Variants in BBX observed in about 807,000 individuals in gnomAD.
BBX encodes HMG box transcription factor BBX.
A neutral mutation model predicts 100.2 loss-of-function variants in BBX; 30 were observed. The observed-to-expected ratio is 0.30, with a 90% CI of 0.22 to 0.41. The LOEUF (loss-of-function observed/expected upper bound fraction) is 0.41, where lower values mean the gene tolerates loss of function less well. Ranked by LOEUF, BBX falls within the 10% of genes least tolerant of loss-of-function variation. The pLI is 1.00. For missense variants in BBX, 1,023 were observed against 1,129.8 expected, an observed-to-expected ratio of 0.91 and a Z score of 1.35; for synonymous variants, 376 against 388.1, an observed-to-expected ratio of 0.97 and a Z score of 0.37.
rs1211807949 is a variant in BBX at position 107,810,114 on chromosome 3, A to G, written c.*4657A>G. The G allele has an allele frequency of 6.6e-6, 1 of 152,078 alleles. No individual in the cohort carries two copies. Among genetic ancestry groups the G allele is most frequent in the Non-Finnish European group, 1.5e-5 (1 of 68,010 alleles). The allele number at this position is 152,078 out of a possible 1,614,324, so 9.4% of individuals were successfully genotyped here. ...TTATATTTCAGAACAAAGAAGCAACAAGCGTGAATAAAAAGACAAATGTAT... is the reference window on the plus strand; with the variant it reads ...TTATATTTCAGAACAAAGAAGCAACGAGCGTGAATAAAAAGACAAATGTAT... On this transcript the variant is annotated 3_prime_UTR_variant, in exon 18 of 18. Transcript: ENST00000325805.
intron 7 of BBX, among the ~76,000 whole-genome samples, chr3:107,734,511 C>A (rs929538168): frequency 6.6e-6 from 1 of 152,176 alleles, no homozygotes; most frequent in Non-Finnish European, 1.5e-5. Context: ...GTATCCCAAG[C>A]GTGTTCCAAA....
Position 107,805,812 on chromosome 3 carries a change from A to C in BBX, c.*355A>C, listed in dbSNP as rs1189305291. ...TTTACCAACCAGAGAGTGTGAAACT[A>C]GTTTCATATATTACCTAGTTATTCT... On this transcript the variant is annotated 3_prime_UTR_variant, in exon 18 of 18. Coordinates refer to ENST00000325805, the MANE Select transcript of BBX (RefSeq NM_001142568.3). The C allele has an allele frequency of 1.4e-5, 4 of 289,442 alleles. No homozygotes were observed. The highest frequency in any genetic ancestry group is 1.4e-4 in the South Asian group (1 of 7,008). 17.9% of individuals were successfully genotyped at this position (289,442 alleles called of 1,614,324 possible). A position where few individuals can be genotyped will look rare whatever the true frequency, so the allele number is the denominator to read the frequency against.
chr3:107,624,547 C>T (rs1231311325), intron 2 of BBX, among the ~76,000 whole-genome samples: 12 of 152,122 alleles, frequency 7.9e-5, no homozygotes, highest in Non-Finnish European at 1.8e-4. Flanking sequence ...ATAGAATTAT[C>T]ATGCAATGCG....
chr3:107,666,464 AAG>A (rs1400956409), intron 3 of BBX, among the ~76,000 whole-genome samples: 1 of 152,214 alleles, frequency 6.6e-6, no homozygotes, highest in Non-Finnish European at 1.5e-5. Context: ...AAACAAGGAA[AAG>A]GGGGGAAACT....
At chr3:107,702,550 AC>A (rs1335974980) in intron 3 of BBX, among the ~76,000 whole-genome samples, 1 of 152,334 alleles carries the variant, frequency 6.6e-6, no homozygotes, top group East Asian at 1.9e-4. Context: ...TATTCACTGA[AC>A]ATCTATTCCC....
At chr3:107,581,277 G>C (rs1447059167) in intron 2 of BBX, among the ~76,000 whole-genome samples, 1 of 151,748 alleles carries the variant, frequency 6.6e-6, no homozygotes, top group Admixed American at 6.6e-5. Flanking sequence ...ACACTTGTTG[G>C]CAGTGTAGGG....
At chr3:107,671,931 T>C (rs1246679153) in intron 3 of BBX, among the ~76,000 whole-genome samples, 1 of 152,098 alleles carries the variant, frequency 6.6e-6, no homozygotes, top group Admixed American at 6.6e-5. Context: ...TACTTGTGAT[T>C]CTTTATCTCA....
Position 107,702,533 on chromosome 3 carries a change from C to A in BBX, c.-9-7919C>A, listed in dbSNP as rs114379125. Among the ~76,000 whole-genome samples the A allele has an allele frequency of 4.0e-3, 610 of 152,252 alleles. 5 individuals are homozygous for A. Among genetic ancestry groups the A allele is most frequent in the African/African-American group, 0.014 (584 of 41,552 alleles). On this transcript the variant is annotated intron_variant, in intron 3 of 17. Coordinates refer to ENST00000325805, the MANE Select transcript of BBX (RefSeq NM_001142568.3). Reference sequence around the variant, plus strand: ...AGAAGTATTGTTTCTATGTTCAATTCTCCACATATTCACTGAACATCTATT... The same window carrying A: ...AGAAGTATTGTTTCTATGTTCAATTATCCACATATTCACTGAACATCTATT...
At chr3:107,558,799 T>C (rs764054979) in intron 2 of BBX, among the ~76,000 whole-genome samples, 2 of 152,214 alleles carry the variant, frequency 1.3e-5, no homozygotes, top group Non-Finnish European at 2.9e-5. Context: ...GGAGTCCATC[T>C]TTCTAACCAT....
chr3:107,748,120 T>TA (rs894585841), intron 9 of BBX, 81 bp downstream of exon 9: 1 of 1,166,220 alleles, frequency 8.6e-7, no homozygotes, highest in Non-Finnish European at 1.3e-6. Flanking sequence ...TAATAATGTA[T>TA]AGTGAACTTT....
chr3:107,711,361 C>T (rs921839051), intron 4 of BBX: 1 of 470,766 alleles, frequency 2.1e-6, no homozygotes, highest in Non-Finnish European at 4.4e-6. Context: ...GTGCCTGGCA[C>T]ATAGTAGGTA....
At chr3:107,737,632 A>G (rs17812080) in intron 7 of BBX, among the ~76,000 whole-genome samples, 36,030 of 152,050 alleles carry the variant, frequency 0.24, 5,428 homozygotes, top group Middle Eastern at 0.43. Flanking sequence ...TTGTATGTGT[A>G]AGGCATGTCA....
In BBX at chr3:107,788,763, G is replaced by C. The variant is rs537985935; in HGVS notation, c.2204-1024G>C. ...GCACTCCAGCCTGGTGACAGAGTGA[G>C]ACCCTGTCTCAATAAATACATAAAT... On this transcript the variant is annotated intron_variant, in intron 13 of 17. Transcript: ENST00000325805. Among the ~76,000 whole-genome samples, 5 of 152,116 alleles carry C rather than the reference G, an allele frequency of 3.3e-5. No homozygotes were observed. The East Asian group carries it at 7.7e-4, about 24-fold the overall frequency.
intron 9 of BBX, among the ~76,000 whole-genome samples, chr3:107,751,865 C>T (rs956608492): frequency 6.6e-5 from 10 of 152,136 alleles, no homozygotes; most frequent in Admixed American, 5.2e-4. Context: ...TTCCAGGCTC[C>T]GATCCATTAA....
At chr3:107,798,010 A>G (rs2069930819) in intron 15 of BBX, among the ~76,000 whole-genome samples, 1 of 152,244 alleles carries the variant, frequency 6.6e-6, no homozygotes, top group Non-Finnish European at 1.5e-5. Flanking sequence ...ATCTACATGA[A>G]AGAAAGTCAG....
intron 2 of BBX, among the ~76,000 whole-genome samples, chr3:107,630,958 A>T (rs537502284): frequency 1.1e-3 from 160 of 152,248 alleles, no homozygotes; most frequent in African/African-American, 3.5e-3. Context: ...TGATTTCCCT[A>T]TTCTCTTTTG....
At chr3:107,559,672 T>A (rs2050336582) in intron 2 of BBX, among the ~76,000 whole-genome samples, 1 of 152,182 alleles carries the variant, frequency 6.6e-6, no homozygotes, top group Non-Finnish European at 1.5e-5. Flanking sequence ...CATTGAAAGC[T>A]AAAAGGGCTG....
intron 3 of BBX, chr3:107,659,729 C>T: frequency 7.8e-7 from 1 of 1,284,358 alleles, no homozygotes; most frequent in Non-Finnish European, 1.0e-6. Context: ...GTTTGGGTAT[C>T]CTTTTACATT....
At chr3:107,790,039 A>G (rs2068836765) in intron 14 of BBX, among the ~76,000 whole-genome samples, 163 bp downstream of exon 14, 1 of 152,102 alleles carries the variant, frequency 6.6e-6, no homozygotes, top group Non-Finnish European at 1.5e-5. Flanking sequence ...CGGACTCTGC[A>G]GCTAATGCAA....
Sources: allele counts gnomAD v4.1 joint callset (sites outside exome capture counted in the v4.1 genomes callset), GRCh38; gene constraint gnomAD v4.1.1; transcripts MANE v1.5; gene names NCBI Gene and HGNC (gene_info 2026-07-23, HGNC 2026-07-21).